Variants in CLDN16 observed in about 807,000 individuals in gnomAD.
CLDN16 encodes claudin-16.
CLDN16 carries 13 observed loss-of-function variants against 24.6 expected under a neutral mutation model. That is an observed-to-expected ratio of 0.53 (90% CI 0.34 to 0.84). The LOEUF (loss-of-function observed/expected upper bound fraction) is 0.84. Ranked by LOEUF, CLDN16 falls within the 40% of genes least tolerant of loss-of-function variation. CLDN16 has a pLI of 0.01. For missense variants in CLDN16, 298 were observed against 292.7 expected, an observed-to-expected ratio of 1.02 and a Z score of -0.13; for synonymous variants, 116 against 106.7, an observed-to-expected ratio of 1.09 and a Z score of -0.54.
chr3:190,293,056 A>G, the CLDN16 span, among the ~76,000 whole-genome samples: 8 of 152,316 alleles, frequency 5.3e-5, no homozygotes, highest in Middle Eastern at 3.4e-3. Flanking sequence ...TAACACTGCT[A>G]TAAAGAACTA....
chr3:190,359,619 A>G (rs556507079), intron 1 of CLDN16, among the ~76,000 whole-genome samples: 1 of 152,174 alleles, frequency 6.6e-6, no homozygotes, highest in Non-Finnish European at 1.5e-5. Context: ...AATGCTCAAT[A>G]AAACCCTGTT....
chr3:190,343,336 G>GGAA lies in CLDN16; in HGVS notation n.121+20677_121+20679dup, dbSNP rs533123765. 3.3e-4 allele frequency among the ~76,000 whole-genome samples: 50 copies of GGAA among 152,164 alleles called. No individual in the cohort carries two copies. In the South Asian group the frequency reaches 0.01, roughly 31 times the overall value. On this transcript the variant is annotated intron_variant and non_coding_transcript_variant, in intron 1 of 4. Coordinates refer to the CLDN16 transcript ENST00000468220. ...ATGTTGATCAGGGTGTGGAAGAAAG[G>GGAA]GAAGCCTTGTACACTTTTGGGAATG...
the CLDN16 span, among the ~76,000 whole-genome samples, chr3:190,316,504 A>AAGTAAGC: frequency 6.6e-6 from 1 of 152,240 alleles, no homozygotes; most frequent in East Asian, 1.9e-4. Context: ...TTACCAGTCA[A>AAGTAAGC]AGTAAGCAAC....
chr3:190,316,641 T>A, the CLDN16 span, among the ~76,000 whole-genome samples: 8 of 152,216 alleles, frequency 5.3e-5, no homozygotes, highest in South Asian at 2.1e-4. Context: ...AAGTATGTAA[T>A]CATGAACTCC....
At chr3:190,381,635 T>TGA (rs1392124930) in intron 3 of CLDN16, among the ~76,000 whole-genome samples, 1 of 152,076 alleles carries the variant, frequency 6.6e-6, no homozygotes, top group African/African-American at 2.4e-5. Flanking sequence ...AAGTTAGTCA[T>TGA]CTAACTTTCT....
chr3:190,301,664 G>A, the CLDN16 span, among the ~76,000 whole-genome samples: 1 of 152,096 alleles, frequency 6.6e-6, no homozygotes, highest in African/African-American at 2.4e-5. Flanking sequence ...TTTTTGACAA[G>A]TCTTTTGCTT....
In CLDN16 at chr3:190,408,436, G is replaced by T. The variant is rs104893721; in HGVS notation, c.505G>T (p.Gly169Ter). 1.9e-6 allele frequency: 3 copies of T among 1,613,964 alleles called. No individual in the cohort carries two copies. In the East Asian group the frequency reaches 6.7e-5, roughly 36 times the overall value. The change falls in exon 4 of 5, where the codon GGA becomes TGA. Residue 169 changes from glycine (G) to a stop codon, truncating the protein, a stop_gained. Transcript: ENST00000264734. LOFTEE classifies it high-confidence loss of function. ...TAAATTTGGTTGGTCCTGTTGGCTC[G>T]GAATGGCTGGGTCTCTGGGTTGCTT... The part of the protein sequence containing the change: ...QYKFGWSCWL[G>*]MAGSLGCFLA...
the CLDN16 span, among the ~76,000 whole-genome samples, chr3:190,302,778 A>AT: frequency 1.3e-4 from 15 of 115,218 alleles, no homozygotes; most frequent in South Asian, 6.4e-4. Flanking sequence ...TCTCAAAAAA[A>AT]AATATATATA....
chr3:190,394,518 C>T (rs941213360), intron 1 of CLDN16, among the ~76,000 whole-genome samples: 11 of 152,076 alleles, frequency 7.2e-5, no homozygotes, highest in Admixed American at 2.6e-4. Context: ...CCAGCATGCC[C>T]GTTGATTATA....
chr3:190,360,540 A>G (rs1210821918), intron 1 of CLDN16, among the ~76,000 whole-genome samples: 1 of 152,012 alleles, frequency 6.6e-6, no homozygotes, highest in African/African-American at 2.4e-5. Flanking sequence ...TGATAAGAAC[A>G]AAATGTAGCT....
intron 3 of CLDN16, among the ~76,000 whole-genome samples, chr3:190,378,843 G>A (rs1718297398): frequency 6.6e-6 from 1 of 151,966 alleles, no homozygotes; most frequent in Non-Finnish European, 1.5e-5. Flanking sequence ...CTTTCTAGCT[G>A]TGTCAGGTTG....
rs769893284 is a variant in CLDN16, at chr3:190,404,783, C to G, written c.239C>G (p.Ala80Gly). The stretch of plus-strand genomic sequence containing the variant: ...CCAGTGAAGCTGGTGGTAACTCGAG[C>G]GTTGATGATTACTGCAGATATTCTA... Reference protein sequence around the residue: ...EHPLKLVVTRALMITADILAG... With the variant: ...EHPLKLVVTRGLMITADILAG... Residue 80 changes from alanine to glycine, a missense_variant, in exon 3 of 5, where the codon GCG becomes GGG. Transcript: ENST00000264734. 6.2e-7 allele frequency: 1 copy of G among 1,614,050 alleles called. No homozygotes were observed. Among genetic ancestry groups the G allele is most frequent in the South Asian group, 1.1e-5 (1 of 91,072 alleles).
upstream of CLDN16, chr3:190,387,885 GGGA>G (rs1718544807): frequency 5.3e-6 from 3 of 568,996 alleles, no homozygotes; most frequent in East Asian, 3.0e-5. Context: ...CTTCCGAGTG[GGGA>G]GGAGAATAGC....
At chr3:190,366,622 A>G (rs950583113) in intron 1 of CLDN16, among the ~76,000 whole-genome samples, 1 of 151,968 alleles carries the variant, frequency 6.6e-6, no homozygotes, top group Non-Finnish European at 1.5e-5. Context: ...TGATACACTT[A>G]CAAAAACACC....
chr3:190,336,946 AT>A (rs1335494746), intron 1 of CLDN16, among the ~76,000 whole-genome samples: 1 of 152,240 alleles, frequency 6.6e-6, no homozygotes, highest in Non-Finnish European at 1.5e-5. Flanking sequence ...ATGAACAAAT[AT>A]TCCAGACTTC....
chr3:190,312,912 C>T, the CLDN16 span: 1 of 1,614,198 alleles, frequency 6.2e-7, no homozygotes, highest in South Asian at 1.1e-5. Flanking sequence ...CAGCCATCCT[C>T]ATCTTCTGCA....
intron 1 of CLDN16, among the ~76,000 whole-genome samples, chr3:190,350,732 C>G (rs1456843521): frequency 2.0e-5 from 3 of 152,152 alleles, no homozygotes; most frequent in Non-Finnish European, 4.4e-5. Flanking sequence ...CCATAACTTC[C>G]TTAGGCTTAT....
intron 1 of CLDN16, among the ~76,000 whole-genome samples, chr3:190,352,376 T>C (rs976101740): frequency 7.9e-5 from 12 of 152,156 alleles, no homozygotes; most frequent in Non-Finnish European, 1.2e-4. Flanking sequence ...GAATATGTGA[T>C]TGGAATTGTC....
At chr3:190,335,684 C>G (rs11708491) in intron 1 of CLDN16, among the ~76,000 whole-genome samples, 21,965 of 135,440 alleles carry the variant, frequency 0.16, 2,071 homozygotes, top group Middle Eastern at 0.27. Context: ...TGCACTCCAG[C>G]CTGGTGACAG....
Sources: gnomAD v4.1 joint callset for allele counts (sites outside exome capture counted in the v4.1 genomes callset) on GRCh38, gnomAD v4.1.1 for gene constraint, MANE v1.5 for transcripts, NCBI Gene and HGNC (gene_info 2026-07-23, HGNC 2026-07-21) for gene names.